MAP4K3: variants seen among roughly 807,000 people sequenced by gnomAD.
MAP4K3 encodes MAPK/ERK kinase kinase kinase 3.
A neutral mutation model predicts 143.5 loss-of-function variants in MAP4K3; 94 were observed. The observed-to-expected ratio is 0.65, with a 90% CI of 0.55 to 0.78. The LOEUF (loss-of-function observed/expected upper bound fraction) is 0.78. Among genes scored for constraint, MAP4K3 ranks in the 30% least tolerant of loss-of-function variants. The pLI is 0.00. For synonymous variants in MAP4K3, 416 were observed against 347.2 expected (o/e 1.20, Z -2.20); for missense variants, 1,077 against 1,068.1 (o/e 1.01, Z -0.12).
At chr2:39,412,803 G>C (rs1667267204) in intron 1 of MAP4K3, among the ~76,000 whole-genome samples, 1 of 151,788 alleles carries the variant, frequency 6.6e-6, no homozygotes, top group East Asian at 1.9e-4. Flanking sequence ...TGAATAAATT[G>C]AGGCATAAAG....
At chr2:39,268,212 T>C (rs1312421545) in intron 26 of MAP4K3, among the ~76,000 whole-genome samples, 1 of 152,192 alleles carries the variant, frequency 6.6e-6, no homozygotes, top group Non-Finnish European at 1.5e-5. Context: ...ATTTAAAAAC[T>C]ACACATACAC....
intron 1 of MAP4K3, among the ~76,000 whole-genome samples, chr2:39,391,122 A>C (rs1182488096): frequency 6.6e-6 from 1 of 151,740 alleles, no homozygotes; most frequent in Admixed American, 6.6e-5. Flanking sequence ...TTGGGAGGCC[A>C]AGGCAGGCGG....
intron 18 of MAP4K3, among the ~76,000 whole-genome samples, chr2:39,291,983 C>T (rs910774024): frequency 3.3e-5 from 5 of 151,820 alleles, no homozygotes; most frequent in Non-Finnish European, 5.9e-5. Context: ...TCAACCTATG[C>T]CCTCAACTGC....
At chr2:39,424,284 A>T (rs1430827773) in intron 1 of MAP4K3, among the ~76,000 whole-genome samples, 1 of 152,114 alleles carries the variant, frequency 6.6e-6, no homozygotes, top group East Asian at 1.9e-4. Context: ...CTGAATTAAG[A>T]TGGAAAGTGG....
intron 15 of MAP4K3, among the ~76,000 whole-genome samples, chr2:39,305,037 G>A (rs78771155): frequency 0.049 from 7,436 of 152,162 alleles, 307 homozygotes; most frequent in African/African-American, 0.11. Context: ...CAGAGTGTTC[G>A]CTGCCAGGGG....
chr2:39,425,309 C>CA (rs1159026869), intron 1 of MAP4K3, among the ~76,000 whole-genome samples: 1 of 152,086 alleles, frequency 6.6e-6, no homozygotes, highest in Admixed American at 6.5e-5. Flanking sequence ...ATTAAGTATG[C>CA]AACAAGAATA....
intron 16 of MAP4K3, among the ~76,000 whole-genome samples, chr2:39,294,485 G>T (rs1682188499): frequency 6.6e-6 from 1 of 152,178 alleles, no homozygotes. Context: ...CTCTCCAAGG[G>T]CCAACTCTAA....
At chr2:39,291,938 C>T (rs1032961151) in intron 18 of MAP4K3, among the ~76,000 whole-genome samples, 2 of 151,992 alleles carry the variant, frequency 1.3e-5, no homozygotes, top group African/African-American at 4.8e-5. Flanking sequence ...ATGAGGATTT[C>T]AAGGCCTAGA....
intron 4 of MAP4K3, among the ~76,000 whole-genome samples, chr2:39,340,890 G>A (rs971112231): frequency 6.6e-6 from 1 of 152,044 alleles, no homozygotes; most frequent in African/African-American, 2.4e-5. Flanking sequence ...GTATCTCCAG[G>A]CTCTCCTGAA....
At position 39,388,144 on chromosome 2, in the gene MAP4K3, GC is replaced by G. The variant is rs149684114; in HGVS notation, c.97-10022del. ...ATAATATGGATAAAACTTAACAGTA[GC>G]ACTGAGTTTGGGAAAGCATAAGAGA... On this transcript the variant is annotated intron_variant, in intron 1 of 33. Coordinates refer to ENST00000263881, the MANE Select transcript of MAP4K3 (RefSeq NM_003618.4). 2.5e-3 allele frequency among the ~76,000 whole-genome samples: 384 copies of G among 152,270 alleles called. 2 individuals carry two copies. Among genetic ancestry groups the G allele is most frequent in the African/African-American group, 8.9e-3 (368 of 41,552 alleles).
At chr2:39,351,244 T>G (rs17038958) in intron 3 of MAP4K3, among the ~76,000 whole-genome samples, 8,763 of 152,240 alleles carry the variant, frequency 0.058, 303 homozygotes, top group Middle Eastern at 0.11. Context: ...TATGTCACAG[T>G]TTTTCATGCA....
At chr2:39,430,411 C>A (rs1665248389) in intron 1 of MAP4K3, among the ~76,000 whole-genome samples, 1 of 151,622 alleles carries the variant, frequency 6.6e-6, no homozygotes, top group Non-Finnish European at 1.5e-5. Flanking sequence ...ATAATCAGGT[C>A]AAGGCAGTTA....
chr2:39,411,216 T>C (rs955560762), intron 1 of MAP4K3, among the ~76,000 whole-genome samples: 3 of 152,230 alleles, frequency 2.0e-5, no homozygotes, highest in African/African-American at 7.2e-5. Flanking sequence ...AACCGTTATT[T>C]AAAATCCAAT....
Position 39,309,455 on chromosome 2 carries a change from A to G in MAP4K3, c.1056+6T>C. 1 of 1,578,818 alleles carries G rather than the reference A, an allele frequency of 6.3e-7. No homozygotes were observed. Among genetic ancestry groups the G allele is most frequent in the Non-Finnish European group, 8.6e-7 (1 of 1,160,900 alleles). On this transcript the variant is annotated splice_donor_region_variant and intron_variant, in intron 14 of 33. Transcript: ENST00000263881. ...AGTGCTAACATTCTAAGGCTATACT[A>G]CTTACAAGTTCATGATGTGGTTCTG...
At chr2:39,385,175 T>G (rs1014577402) in intron 1 of MAP4K3, among the ~76,000 whole-genome samples, 10 of 152,160 alleles carry the variant, frequency 6.6e-5, no homozygotes, top group African/African-American at 2.4e-4. Context: ...CTATAAACAT[T>G]TGTATACAGG....
chr2:39,329,430 A>C (rs72925273), intron 8 of MAP4K3, among the ~76,000 whole-genome samples: 2,413 of 152,338 alleles, frequency 0.016, 65 homozygotes, highest in African/African-American at 0.056. Context: ...ATGATGTAGC[A>C]AACAGGAGGC....
Position 39,299,675 on chromosome 2 carries a change from AAATAT to A in MAP4K3, c.1178+63_1178+67del, listed in dbSNP as rs1378019326. On this transcript the variant is annotated intron_variant, in intron 16 of 33. Coordinates refer to ENST00000263881, the MANE Select transcript of MAP4K3 (RefSeq NM_003618.4). ...ATACAATTTTCTACCTTAAATATTA[AAATAT>A]AATATTAAAGGCAACTTAATAATTC... is the stretch of plus-strand genomic sequence containing the variant. The A allele has an allele frequency of 5.0e-6, 4 of 803,758 alleles. No individual in the cohort carries two copies. The African/African-American group carries it at 5.3e-5, about 11-fold the overall frequency. 49.8% of individuals were successfully genotyped at this position (803,758 alleles called of 1,614,324 possible).
intron 22 of MAP4K3, 143 bp from the exon 23 acceptor site, chr2:39,280,499 G>A: frequency 2.4e-6 from 1 of 421,234 alleles, no homozygotes; most frequent in East Asian, 3.7e-5. Context: ...ACAGAAGTAA[G>A]TGTAAGAAAT....
intron 8 of MAP4K3, among the ~76,000 whole-genome samples, chr2:39,327,729 G>A (rs555506195): frequency 2.6e-5 from 4 of 152,124 alleles, no homozygotes; most frequent in Non-Finnish European, 5.9e-5. Flanking sequence ...TAAGAAAAGC[G>A]AATTTCAAAG....
Sources: gnomAD v4.1 joint callset for allele counts (sites outside exome capture counted in the v4.1 genomes callset) on GRCh38, gnomAD v4.1.1 for gene constraint, MANE v1.5 for transcripts, NCBI Gene and HGNC (gene_info 2026-07-23, HGNC 2026-07-21) for gene names.